MALRD1: variants seen among roughly 807,000 people sequenced by gnomAD.
The protein encoded by MALRD1 is MAM and LDL receptor class A domain containing 1.
Under a neutral mutation model 242.1 loss-of-function variants are expected in MALRD1, and 247 were observed. That is an observed-to-expected ratio of 1.02 (90% CI 0.92 to 1.13). The LOEUF is 1.13. Ranked by LOEUF, MALRD1 falls within the 50% of genes most tolerant of loss-of-function variation. MALRD1 has a pLI of 0.00. For synonymous variants in MALRD1, 995 were observed against 866.6 expected (o/e 1.15, Z -2.60); for missense variants, 2,989 against 2,533.1 (o/e 1.18, Z -3.86).
chr10:19,124,881 G>T (rs1837198672), intron 7 of MALRD1, among the ~76,000 whole-genome samples: 1 of 118,864 alleles, frequency 8.4e-6, no homozygotes, highest in South Asian at 3.0e-4. Flanking sequence ...TATTTTTTAA[G>T]TTTTATTATT....
chr10:19,588,041 A>T (rs1273522040), intron 33 of MALRD1, among the ~76,000 whole-genome samples: 5 of 152,134 alleles, frequency 3.3e-5, no homozygotes, highest in Admixed American at 6.5e-5. Context: ...CCTTTATGTA[A>T]AATCACATAA....
chr10:19,140,580 G>A (rs538800436), intron 10 of MALRD1, among the ~76,000 whole-genome samples: 42 of 114,148 alleles, frequency 3.7e-4, no homozygotes, highest in Non-Finnish European at 7.6e-4. Flanking sequence ...TGTATAAAAT[G>A]TATATGTGTT....
chr10:19,403,505 A>G lies in MALRD1; in HGVS notation c.4845+13896A>G, dbSNP rs547990351. Among the ~76,000 whole-genome samples, 6 of 152,278 alleles carry G rather than the reference A, an allele frequency of 3.9e-5. No individual in the cohort carries two copies. The East Asian group carries it at 9.7e-4, about 24-fold the overall frequency. ...TCTTTTATGCTAACGTGTTGGTGAC[A>G]AGAAAGCAGACTTAGTTTTTCAGAC... On this transcript the variant is annotated intron_variant, in intron 28 of 39. Transcript: ENST00000454679.
intron 24 of MALRD1, among the ~76,000 whole-genome samples, chr10:19,344,600 T>C (rs1301573512): frequency 6.6e-6 from 1 of 152,040 alleles, no homozygotes. Context: ...TAATTCATTC[T>C]TCTTATACAA....
chr10:19,166,242 C>T (rs1348463761), intron 13 of MALRD1, among the ~76,000 whole-genome samples: 1 of 152,200 alleles, frequency 6.6e-6, no homozygotes, highest in Admixed American at 6.5e-5. Flanking sequence ...CCTATTGCCT[C>T]ACTTTCTGCT....
rs367632780 is a variant in MALRD1 at position 19,087,814 on chromosome 10, T to G, written c.341-26T>G. The G allele has an allele frequency of 5.7e-5, 67 of 1,178,694 alleles. No individual in the cohort carries two copies. In the African/African-American group the frequency reaches 1.0e-3, roughly 18 times the overall value. 73.0% of individuals were successfully genotyped at this position (1,178,694 alleles called of 1,614,324 possible). A position where few individuals can be genotyped will look rare whatever the true frequency, so the allele number is the denominator to read the frequency against. On this transcript the variant is annotated intron_variant, in intron 2 of 39. Coordinates refer to ENST00000454679, the MANE Select transcript of MALRD1 (RefSeq NM_001142308.3). Reference sequence around the variant, plus strand: ...TTATTCATTCTTTCTGGTTTTTTTTTGTACCCTGTCTCTTCTTTCTGATAG... The same window carrying G: ...TTATTCATTCTTTCTGGTTTTTTTTGGTACCCTGTCTCTTCTTTCTGATAG...
At chr10:19,698,670 T>C (rs1482852651) in intron 38 of MALRD1, among the ~76,000 whole-genome samples, 3 of 152,134 alleles carry the variant, frequency 2.0e-5, no homozygotes, top group Admixed American at 6.5e-5. Context: ...ATAGTTTAGA[T>C]TGATGATGCC....
intron 19 of MALRD1, among the ~76,000 whole-genome samples, chr10:19,270,181 TG>T (rs1322269389): frequency 6.6e-6 from 1 of 151,978 alleles, no homozygotes; most frequent in Non-Finnish European, 1.5e-5. Context: ...ATGGGCATGG[TG>T]GTAGGTGCCT....
At chr10:19,676,128 G>A (rs1410088135) in intron 36 of MALRD1, among the ~76,000 whole-genome samples, 1 of 152,178 alleles carries the variant, frequency 6.6e-6, no homozygotes, top group East Asian at 1.9e-4. Flanking sequence ...TGTGAGTCAA[G>A]GAGGAATTGA....
At chr10:19,538,433 T>A (rs916030477) in intron 32 of MALRD1, among the ~76,000 whole-genome samples, 2 of 152,210 alleles carry the variant, frequency 1.3e-5, no homozygotes, top group Non-Finnish European at 2.9e-5. Flanking sequence ...TTTCTTTCTG[T>A]CTTTCAGTTA....
chr10:19,457,907 G>A (rs1317636086), intron 29 of MALRD1, among the ~76,000 whole-genome samples: 1 of 151,498 alleles, frequency 6.6e-6, no homozygotes, highest in Non-Finnish European at 1.5e-5. Flanking sequence ...ATTGTTACAG[G>A]CTTGTTTTAT....
intron 14 of MALRD1, among the ~76,000 whole-genome samples, chr10:19,186,789 G>C (rs1157179667): frequency 1.3e-5 from 2 of 151,602 alleles, no homozygotes; most frequent in African/African-American, 2.4e-5. Context: ...TCTTTTTGTT[G>C]CTTATCTGCT....
intron 31 of MALRD1, among the ~76,000 whole-genome samples, chr10:19,530,407 A>AAATATATAATG (rs1834329924): frequency 1.4e-4 from 2 of 14,758 alleles, no homozygotes; most frequent in Admixed American, 1.1e-3. Context: ...AATATTATAT[A>AAATATATAATG]TTTATATAAT....
intron 12 of MALRD1, among the ~76,000 whole-genome samples, chr10:19,159,097 C>T (rs879848835): frequency 3.9e-5 from 6 of 152,066 alleles, no homozygotes; most frequent in Non-Finnish European, 7.4e-5. Flanking sequence ...TCATTTAAAC[C>T]GGAAAAACAG....
chr10:19,100,167 A>G (rs1836200588), intron 4 of MALRD1, among the ~76,000 whole-genome samples: 1 of 152,116 alleles, frequency 6.6e-6, no homozygotes, highest in African/African-American at 2.4e-5. Flanking sequence ...CTGTCTAGCT[A>G]GACTATTTAA....
At chr10:19,488,361 G>GACTCCATACAT (rs1837323996) in intron 29 of MALRD1, among the ~76,000 whole-genome samples, 1 of 152,094 alleles carries the variant, frequency 6.6e-6, no homozygotes, top group African/African-American at 2.4e-5. Context: ...CTTGGAGTCT[G>GACTCCATACAT]GGGGGACAGC....
intron 26 of MALRD1, among the ~76,000 whole-genome samples, chr10:19,376,767 C>A (rs998632462): frequency 6.6e-6 from 1 of 151,594 alleles, no homozygotes; most frequent in Non-Finnish European, 1.5e-5. Context: ...TTATTAGAGA[C>A]GGGGTTTCAG....
At chr10:19,193,920 C>T (rs1836113751) in intron 14 of MALRD1, among the ~76,000 whole-genome samples, 1 of 151,766 alleles carries the variant, frequency 6.6e-6, no homozygotes, top group African/African-American at 2.4e-5. Flanking sequence ...AAAAAAATCA[C>T]ATTATTTTAA....
At chr10:19,278,418 C>T (rs1009458951) in intron 19 of MALRD1, among the ~76,000 whole-genome samples, 1 of 152,086 alleles carries the variant, frequency 6.6e-6, no homozygotes, top group African/African-American at 2.4e-5. Flanking sequence ...TTTATTCATT[C>T]ATCCACTCTG....
Sources: gnomAD v4.1 joint callset for allele counts (sites outside exome capture counted in the v4.1 genomes callset) on GRCh38, gnomAD v4.1.1 for gene constraint, MANE v1.5 for transcripts, NCBI Gene and HGNC (gene_info 2026-07-23, HGNC 2026-07-21) for gene names.